KMT2C: variants seen among roughly 807,000 people sequenced by gnomAD.
The protein encoded by KMT2C is histone-lysine N-methyltransferase 2C.
Under a neutral mutation model 507.9 loss-of-function variants are expected in KMT2C, and 88 were observed. That is an observed-to-expected ratio of 0.17 (90% CI 0.15 to 0.21). KMT2C has a LOEUF of 0.21. KMT2C is among the 10% of genes least tolerant of loss of function. KMT2C has a pLI of 1.00. For missense variants in KMT2C, 4,954 were observed against 5,957.8 expected (o/e 0.83, Z 5.55); for synonymous variants, 2,049 against 2,080.8 (o/e 0.98, Z 0.42).
At chr7:152,408,265 G>C (rs562108132) in intron 1 of KMT2C, among the ~76,000 whole-genome samples, 1 of 151,462 alleles carries the variant, frequency 6.6e-6, no homozygotes, top group African/African-American at 2.4e-5. Flanking sequence ...TCCAGCCTGG[G>C]TGACAGAGTG....
intron 2 of KMT2C, among the ~76,000 whole-genome samples, chr7:152,344,702 G>C (rs1284349871): frequency 1.3e-5 from 2 of 152,016 alleles, no homozygotes; most frequent in Admixed American, 6.6e-5. Context: ...AACCACAAAA[G>C]GCAGGCTGGG....
chr7:152,301,271 G>A (rs1484294471), intron 6 of KMT2C, among the ~76,000 whole-genome samples: 33 of 151,390 alleles, frequency 2.2e-4, no homozygotes, highest in Non-Finnish European at 3.4e-4. Flanking sequence ...TTGGGAGGCC[G>A]AAGTGGGCAA....
In KMT2C at chr7:152,139,799, AAAGT is replaced by A. The variant is rs776213399; in HGVS notation, c.14344-12_14344-9del. On this transcript the variant is annotated splice_polypyrimidine_tract_variant and intron_variant, in intron 55 of 58. Coordinates refer to ENST00000262189, the MANE Select transcript of KMT2C (RefSeq NM_170606.3). ...AGCATACAGGCCCAGCCCCTAAAAA[AAAGT>A]GTGTACATACTTCCAATTTATGTGA... 4.5e-5 allele frequency: 72 copies of A among 1,602,538 alleles called. No homozygotes were observed. The African/African-American group carries it at 8.3e-4, about 18-fold the overall frequency.
intron 1 of KMT2C, among the ~76,000 whole-genome samples, chr7:152,389,609 G>C (rs62495512): frequency 1.4e-5 from 2 of 146,718 alleles, no homozygotes; most frequent in Admixed American, 6.8e-5. Context: ...ACCTGGCTAA[G>C]TTTTATTTTT....
chr7:152,374,253 T>C (rs948017399), intron 1 of KMT2C, among the ~76,000 whole-genome samples: 4 of 151,528 alleles, frequency 2.6e-5, no homozygotes, highest in Non-Finnish European at 4.4e-5. Context: ...CAGGTGGAGG[T>C]TGCAGTGACC....
chr7:152,211,434 G>A (rs1015873711), intron 23 of KMT2C, among the ~76,000 whole-genome samples: 1 of 152,180 alleles, frequency 6.6e-6, no homozygotes, highest in Non-Finnish European at 1.5e-5. Flanking sequence ...TAACACAGGA[G>A]AGAACAGAAG....
At chr7:152,297,067 G>A (rs796641636) in intron 6 of KMT2C, among the ~76,000 whole-genome samples, 2,450 of 86,000 alleles carry the variant, frequency 0.028, 151 homozygotes, top group African/African-American at 0.13. Flanking sequence ...GAGAGAGAGA[G>A]AGAGAGAGAG....
intron 9 of KMT2C, among the ~76,000 whole-genome samples, chr7:152,255,111 A>G (rs1209779264): frequency 1.5e-5 from 1 of 67,978 alleles, no homozygotes; most frequent in Non-Finnish European, 2.4e-5. Flanking sequence ...ACTCTCACTT[A>G]TATATATATA....
Position 152,356,267 on chromosome 7 carries a change from G to A in KMT2C, c.250+2320C>T, listed in dbSNP as rs1355851059. 2.6e-5 allele frequency among the ~76,000 whole-genome samples: 4 copies of A among 152,136 alleles called. No individual in the cohort carries two copies. In the East Asian group the frequency reaches 5.8e-4, roughly 22 times the overall value. ...GTTTCAGGAGAAAAGAAAAGGTGGT[G>A]AAATAATCATCTTCAATAATCAAAG... On this transcript the variant is annotated intron_variant, in intron 2 of 58. Transcript: ENST00000262189.
At chr7:152,407,688 T>A (rs2097631978) in intron 1 of KMT2C, among the ~76,000 whole-genome samples, 3 of 144,982 alleles carry the variant, frequency 2.1e-5, no homozygotes, top group Non-Finnish European at 4.6e-5. Context: ...AAAAAAAAGG[T>A]AGCAAAGGAA....
In KMT2C at chr7:152,181,584, A is replaced by G; in HGVS notation, c.6276T>C (p.Asp2092=). The change falls in exon 36 of 59, where the codon GAT becomes GAC. Residue 2092 remains aspartate (D), a synonymous_variant. Transcript: ENST00000262189. Reference sequence around the variant, plus strand: ...GGGTAAGGGGAGGCTGACTATATGGATCATTTGACTGATTATGAGAAAAAT... The same window carrying G: ...GGGTAAGGGGAGGCTGACTATATGGGTCATTTGACTGATTATGAGAAAAAT... ...IDNFSHNQSN[D]PYSQPPLTPH... is the part of the protein sequence containing the mutation. 2 of 1,613,946 alleles carry G rather than the reference A, an allele frequency of 1.2e-6. No homozygotes were observed.
intron 3 of KMT2C, among the ~76,000 whole-genome samples, chr7:152,321,060 C>T (rs1036910544): frequency 6.6e-6 from 1 of 151,730 alleles, no homozygotes; most frequent in African/African-American, 2.4e-5. Flanking sequence ...ATGGCGAAAC[C>T]CCGTCTCTAC....
chr7:152,149,173 A>C, intron 51 of KMT2C, 21 bp from the exon 52 acceptor site: 1 of 1,446,134 alleles, frequency 6.9e-7, no homozygotes, highest in Non-Finnish European at 9.1e-7. Flanking sequence ...TAAAGAAACC[A>C]TGACAAAGAA....
intron 6 of KMT2C, among the ~76,000 whole-genome samples, chr7:152,289,367 G>C (rs2096365717): frequency 6.6e-6 from 1 of 152,174 alleles, no homozygotes; most frequent in African/African-American, 2.4e-5. Context: ...AATCATTAAT[G>C]TTTTAAGTCT....
Position 152,198,469 on chromosome 7 carries a change from T to TA in KMT2C, c.4273+809dup, listed in dbSNP as rs530466693. On this transcript the variant is annotated intron_variant, in intron 27 of 58. Coordinates refer to ENST00000262189, the MANE Select transcript of KMT2C (RefSeq NM_170606.3). ...ACTGAGTAACAAATGCAATTAATGG[T>TA]AAAAAAAGGAAGCTTACCAAAAGAA... Among the ~76,000 whole-genome samples the TA allele has an allele frequency of 4.3e-4, 66 of 152,078 alleles. No individual in the cohort carries two copies. The South Asian group carries it at 5.8e-3, about 13-fold the overall frequency.
intron 2 of KMT2C, among the ~76,000 whole-genome samples, chr7:152,351,106 C>G (rs2097107394): frequency 6.6e-6 from 1 of 152,196 alleles, no homozygotes; most frequent in Non-Finnish European, 1.5e-5. Flanking sequence ...CGTATGATAA[C>G]AATGCCTTCT....
At chr7:152,284,699 AC>A (rs1309063752) in intron 6 of KMT2C, among the ~76,000 whole-genome samples, 2 of 152,152 alleles carry the variant, frequency 1.3e-5, no homozygotes, top group African/African-American at 2.4e-5. Flanking sequence ...ATATAAAAAA[AC>A]TCTTACAACT....
At chr7:152,163,888 T>G in intron 42 of KMT2C, 62 bp from the exon 43 acceptor site, 5 of 1,498,680 alleles carry the variant, frequency 3.3e-6, no homozygotes, top group African/African-American at 1.4e-5. Context: ...AGTAAAACAC[T>G]GGCTGATGAC....
intron 1 of KMT2C, among the ~76,000 whole-genome samples, chr7:152,417,620 A>C (rs2097752986): frequency 6.6e-6 from 1 of 152,162 alleles, no homozygotes; most frequent in African/African-American, 2.4e-5. Flanking sequence ...CTGAATATCT[A>C]TGAAGAATCA....
Sources: allele counts gnomAD v4.1 joint callset (sites outside exome capture counted in the v4.1 genomes callset), GRCh38; gene constraint gnomAD v4.1.1; transcripts MANE v1.5; gene names NCBI Gene and HGNC (gene_info 2026-07-23, HGNC 2026-07-21).